Variants in RALGAPA2 observed in about 807,000 individuals in gnomAD.
RALGAPA2 encodes the protein Ral GTPase activating protein catalytic subunit alpha 2.
In RALGAPA2, 139 loss-of-function variants were observed where a neutral mutation model predicts 230.4. That is an observed-to-expected ratio of 0.60 (90% CI 0.53 to 0.69). The LOEUF (loss-of-function observed/expected upper bound fraction) is 0.69, where lower values mean the gene tolerates loss of function less well. Ranked by LOEUF, RALGAPA2 falls within the 30% of genes least tolerant of loss-of-function variation. The pLI is 0.00. For missense variants in RALGAPA2, 2,163 were observed against 2,276.0 expected, an observed-to-expected ratio of 0.95 and a Z score of 1.01; for synonymous variants, 847 against 837.8, an observed-to-expected ratio of 1.01 and a Z score of -0.19.
intron 1 of RALGAPA2, among the ~76,000 whole-genome samples, chr20:20,707,492 T>C (rs1326887298): frequency 1.3e-5 from 2 of 152,130 alleles, no homozygotes; most frequent in Non-Finnish European, 2.9e-5. Context: ...TCTCAACAAA[T>C]GTTTGTACTT....
chr20:20,484,706 G>T (rs1157942580), intron 36 of RALGAPA2, among the ~76,000 whole-genome samples: 8 of 152,148 alleles, frequency 5.3e-5, no homozygotes, highest in African/African-American at 1.7e-4. Flanking sequence ...GATATTTTTT[G>T]ATTATAAGAT....
intron 1 of RALGAPA2, among the ~76,000 whole-genome samples, chr20:20,696,348 TTATAAAG>T (rs1228346964): frequency 6.6e-6 from 1 of 152,148 alleles, no homozygotes; most frequent in Non-Finnish European, 1.5e-5. Flanking sequence ...ATCTGACCTT[TTATAAAG>T]TAAGCCAAAG....
At chr20:20,593,245 C>T (rs1602983708) in intron 16 of RALGAPA2, among the ~76,000 whole-genome samples, 1 of 152,242 alleles carries the variant, frequency 6.6e-6, no homozygotes, top group Non-Finnish European at 1.5e-5. Flanking sequence ...GTTTGGAGTA[C>T]AAGCAAAGAT....
Position 20,390,245 on chromosome 20 carries a change from C to G in RALGAPA2, c.*3044G>C, listed in dbSNP as rs1484600666. 6.6e-6 allele frequency: 1 copy of G among 152,178 alleles called. No individual in the cohort carries two copies. The highest frequency in any genetic ancestry group is 1.5e-5 in the Non-Finnish European group (1 of 68,032). The allele number at this position is 152,178 out of a possible 1,614,324, so 9.4% of individuals were successfully genotyped here. ...AGCTCTTGCTTGTAAGGCTGAGGGTCTGATCAATCAACCTATGTCACCAAG... is the reference window on the plus strand; with the variant it reads ...AGCTCTTGCTTGTAAGGCTGAGGGTGTGATCAATCAACCTATGTCACCAAG... On this transcript the variant is annotated 3_prime_UTR_variant, in exon 40 of 40. Transcript: ENST00000202677.
intron 36 of RALGAPA2, among the ~76,000 whole-genome samples, chr20:20,486,721 G>GT (rs1443650293): frequency 6.6e-6 from 1 of 151,972 alleles, no homozygotes; most frequent in Non-Finnish European, 1.5e-5. Flanking sequence ...TACATCTTTT[G>GT]TGATTGTCAC....
chr20:20,541,647 A>G (rs1166211441), intron 24 of RALGAPA2, among the ~76,000 whole-genome samples: 1 of 152,226 alleles, frequency 6.6e-6, no homozygotes, highest in East Asian at 1.9e-4. Flanking sequence ...AATGGGGTGC[A>G]ATGTAAAGCT....
At chr20:20,531,035 C>T (rs2063354025) in intron 27 of RALGAPA2, among the ~76,000 whole-genome samples, 1 of 152,208 alleles carries the variant, frequency 6.6e-6, no homozygotes, top group Non-Finnish European at 1.5e-5. Flanking sequence ...ATGTCTTTAA[C>T]ACCACACAGA....
chr20:20,436,358 A>T (rs2060612271), intron 37 of RALGAPA2, among the ~76,000 whole-genome samples: 1 of 152,262 alleles, frequency 6.6e-6, no homozygotes, highest in South Asian at 2.1e-4. Context: ...AAAAGATTTC[A>T]GTCTATTTAA....
intron 1 of RALGAPA2, among the ~76,000 whole-genome samples, chr20:20,695,506 T>C (rs1009875753): frequency 6.6e-6 from 1 of 152,198 alleles, no homozygotes; most frequent in Non-Finnish European, 1.5e-5. Flanking sequence ...GAGTCAACCT[T>C]TCCTTGTTGT....
chr20:20,528,881 GC>G (rs2063296498), intron 27 of RALGAPA2, among the ~76,000 whole-genome samples: 1 of 152,198 alleles, frequency 6.6e-6, no homozygotes, highest in South Asian at 2.1e-4. Context: ...TGGGGGTGGG[GC>G]CAAGGCCCCC....
At chr20:20,415,781 T>G (rs1430395783) in intron 37 of RALGAPA2, among the ~76,000 whole-genome samples, 1 of 152,200 alleles carries the variant, frequency 6.6e-6, no homozygotes, top group Non-Finnish European at 1.5e-5. Context: ...GTTATACGCC[T>G]TTACTGGTTA....
intron 39 of RALGAPA2, among the ~76,000 whole-genome samples, chr20:20,395,369 G>C (rs2059690503): frequency 6.6e-6 from 1 of 152,228 alleles, no homozygotes; most frequent in Non-Finnish European, 1.5e-5. Context: ...TTCCTGATAT[G>C]ACACGTCCAC....
intron 16 of RALGAPA2, among the ~76,000 whole-genome samples, chr20:20,596,306 A>G (rs2065453231): frequency 6.6e-6 from 1 of 152,266 alleles, no homozygotes; most frequent in South Asian, 2.1e-4. Flanking sequence ...TAAATCACAT[A>G]GATTAGAAAC....
chr20:20,679,008 T>C (rs1238935880), intron 2 of RALGAPA2, among the ~76,000 whole-genome samples: 2 of 152,206 alleles, frequency 1.3e-5, no homozygotes, highest in Non-Finnish European at 2.9e-5. Context: ...TTCCTTTGCA[T>C]ATACCCAATA....
chr20:20,523,664 T>C (rs1316919556), intron 30 of RALGAPA2, among the ~76,000 whole-genome samples: 1 of 152,218 alleles, frequency 6.6e-6, no homozygotes, highest in African/African-American at 2.4e-5. Flanking sequence ...TACGTGAATG[T>C]ATTAAATTAT....
chr20:20,605,629 G>A (rs2146242170), intron 14 of RALGAPA2, among the ~76,000 whole-genome samples: 1 of 152,248 alleles, frequency 6.6e-6, no homozygotes, highest in Middle Eastern at 3.4e-3. Context: ...CAAAGTTACT[G>A]ATTCAATATT....
intron 20 of RALGAPA2, among the ~76,000 whole-genome samples, chr20:20,577,069 A>G (rs1245007529): frequency 2.0e-5 from 3 of 152,142 alleles, no homozygotes; most frequent in South Asian, 4.1e-4. Flanking sequence ...AATTATTCCC[A>G]AAGTTCTCTT....
intron 36 of RALGAPA2, among the ~76,000 whole-genome samples, chr20:20,484,916 G>A (rs1602508018): frequency 6.6e-6 from 1 of 152,190 alleles, no homozygotes; most frequent in East Asian, 1.9e-4. Context: ...AAGAGATGAA[G>A]GCTAGAGGGG....
intron 32 of RALGAPA2, among the ~76,000 whole-genome samples, chr20:20,511,827 TA>T (rs1189045537): frequency 6.6e-6 from 1 of 152,258 alleles, no homozygotes; most frequent in Non-Finnish European, 1.5e-5. Context: ...GACTGTGGCT[TA>T]TTCACCTTTG....
Sources: allele counts gnomAD v4.1 joint callset (sites outside exome capture counted in the v4.1 genomes callset), GRCh38; gene constraint gnomAD v4.1.1; transcripts MANE v1.5; gene names NCBI Gene and HGNC (gene_info 2026-07-23, HGNC 2026-07-21).